Variants in PLXNA2 observed in about 807,000 individuals in gnomAD.
PLXNA2 encodes plexin A2.
Under a neutral mutation model 193.5 loss-of-function variants are expected in PLXNA2, and 91 were observed. The observed-to-expected ratio is 0.47, with a 90% confidence interval of 0.40 to 0.56. The LOEUF is 0.56. Ranked by LOEUF, PLXNA2 falls within the 20% of genes least tolerant of loss-of-function variation. The pLI is 0.00. For missense variants in PLXNA2, 1,995 were observed against 2,503.2 expected (o/e 0.80, Z 4.33); for synonymous variants, 997 against 1,027.3 (o/e 0.97, Z 0.56).
intron 4 of PLXNA2, among the ~76,000 whole-genome samples, chr1:208,106,963 A>C (rs1667289008): frequency 6.6e-6 from 1 of 152,216 alleles, no homozygotes; most frequent in Non-Finnish European, 1.5e-5. Flanking sequence ...ACCTTTGGTG[A>C]GGGCAAGGGA....
intron 9 of PLXNA2, 79 bp from the exon 10 acceptor site, chr1:208,084,659 G>T: frequency 1.4e-6 from 2 of 1,388,180 alleles, no homozygotes; most frequent in Non-Finnish European, 1.0e-6. Flanking sequence ...GGCCCCTCTT[G>T]TATCAGGTGA....
intron 29 of PLXNA2, 38 bp from the exon 30 acceptor site, chr1:208,029,080 G>A (rs771948171): frequency 5.2e-5 from 83 of 1,610,822 alleles, no homozygotes; most frequent in Non-Finnish European, 6.5e-5. Context: ...GAATGCATGC[G>A]GGCCGTGCCC....
At chr1:208,036,406 G>A (rs907423151) in intron 26 of PLXNA2, among the ~76,000 whole-genome samples, 2 of 152,218 alleles carry the variant, frequency 1.3e-5, no homozygotes, top group African/African-American at 4.8e-5. Context: ...AACAGGTGGT[G>A]CAAGTCCATG....
At chr1:208,189,931 A>G (rs1219080518) in intron 3 of PLXNA2, among the ~76,000 whole-genome samples, 1 of 152,198 alleles carries the variant, frequency 6.6e-6, no homozygotes, top group Non-Finnish European at 1.5e-5. Context: ...TTTCAGGAGC[A>G]GGAGAAATAT....
chr1:208,152,885 T>A (rs1668816011), intron 3 of PLXNA2, among the ~76,000 whole-genome samples: 1 of 151,554 alleles, frequency 6.6e-6, no homozygotes, highest in Non-Finnish European at 1.5e-5. Flanking sequence ...ATCCTAACCA[T>A]CCTTCAAGGC....
In PLXNA2 at chr1:208,098,877, C is replaced by T. The variant is rs746197050; in HGVS notation, c.1700G>A (p.Ser567Asn). ...SQCVSLAVHP[S>N]SISVSEHSRL... The stretch of plus-strand genomic sequence containing the variant: ...GCTGTGCTCAGATACTGAGATGCTG[C>T]TGGGATGCACTGCAAGGCTCACACA... Residue 567 changes from serine to asparagine, a missense_variant, in exon 6 of 32, where the codon AGC becomes AAC. This residue lies in a region of PLXNA2 where 702 missense variants were observed against 812.9 expected (regional missense o/e 0.86). Coordinates refer to ENST00000367033, the MANE Select transcript of PLXNA2 (RefSeq NM_025179.4). 1 of 1,613,926 alleles carries T rather than the reference C, an allele frequency of 6.2e-7. No homozygotes were observed.
chr1:208,111,275 C>T (rs903422155), intron 4 of PLXNA2, among the ~76,000 whole-genome samples: 1 of 151,926 alleles, frequency 6.6e-6, no homozygotes, highest in African/African-American at 2.4e-5. Flanking sequence ...CCTATGTTTC[C>T]CAGGCTAGTC....
chr1:208,195,113 A>C (rs1431925266), intron 3 of PLXNA2, among the ~76,000 whole-genome samples: 1 of 152,188 alleles, frequency 6.6e-6, no homozygotes, highest in Non-Finnish European at 1.5e-5. Context: ...GAGTGGGAGA[A>C]GGCAGAGAAA....
At chr1:208,197,410 T>C (rs528864243) in intron 3 of PLXNA2, among the ~76,000 whole-genome samples, 17 of 152,352 alleles carry the variant, frequency 1.1e-4, no homozygotes, top group African/African-American at 3.8e-4. Context: ...GGGGGCTAAT[T>C]GCCGGAAGAG....
chr1:208,202,247 T>G (rs1670575545), intron 3 of PLXNA2, among the ~76,000 whole-genome samples: 1 of 152,164 alleles, frequency 6.6e-6, no homozygotes, highest in African/African-American at 2.4e-5. Flanking sequence ...CCTAAAGTGC[T>G]GGGATTACAG....
intron 29 of PLXNA2, chr1:208,030,343 A>G: frequency 1.0e-6 from 1 of 985,566 alleles, no homozygotes; most frequent in Non-Finnish European, 1.2e-6. Context: ...CAGCACACAG[A>G]AGGCACAGAG....
rs1571835947 is a variant in PLXNA2, at chr1:208,027,314, C to T, written c.5614G>A (p.Glu1872Lys). The T allele has an allele frequency of 6.2e-7, 1 of 1,613,452 alleles. No homozygotes were observed. The highest frequency in any genetic ancestry group is 8.5e-7 in the Non-Finnish European group (1 of 1,180,004). The change falls in exon 32 of 32, where the codon GAG (glutamate) becomes AAG (lysine). Residue 1872 changes from glutamate to lysine, a missense_variant. Physicochemically the swap from Glu to Lys is moderately conservative, Grantham distance 56. This residue lies in a region of PLXNA2 where 1,291 missense variants were observed against 1,673.6 expected (regional missense o/e 0.77). Coordinates refer to ENST00000367033, the MANE Select transcript of PLXNA2 (RefSeq NM_025179.4). ...GCCAGCCGCTGCCGCCGTGCCTGCT[C>T]ATCCTGCTCTAGGGCCCCGATGAGC... is the stretch of plus-strand genomic sequence containing the variant. ...EELIGALEQD[E>K]QARRQRLAYK...
chr1:208,170,297 A>G (rs1267456199), intron 3 of PLXNA2, among the ~76,000 whole-genome samples: 1 of 152,244 alleles, frequency 6.6e-6, no homozygotes, highest in East Asian at 1.9e-4. Flanking sequence ...CCCAAAGTCA[A>G]ATGAAAGAAG....
At chr1:208,205,154 T>C (rs75349840) in intron 3 of PLXNA2, among the ~76,000 whole-genome samples, 3,145 of 152,282 alleles carry the variant, frequency 0.021, 48 homozygotes, top group Non-Finnish European at 0.032. Context: ...ACTTCTTCCC[T>C]CTTTTGCCCC....
At chr1:208,051,189 C>T in intron 16 of PLXNA2, 67 bp downstream of exon 16, 2 of 1,594,728 alleles carry the variant, frequency 1.3e-6, no homozygotes, top group South Asian at 1.1e-5. Context: ...CTCTCATGAG[C>T]CAGACTTGGG....
chr1:208,209,011 G>A (rs1289264196), intron 3 of PLXNA2, among the ~76,000 whole-genome samples: 1 of 152,116 alleles, frequency 6.6e-6, no homozygotes, highest in Non-Finnish European at 1.5e-5. Context: ...TTCCCATTTT[G>A]GAAAAGCAAA....
Position 208,061,641 on chromosome 1 carries a change from A to G in PLXNA2, c.2587-804T>C, listed in dbSNP as rs140375447. Among the ~76,000 whole-genome samples, 906 of 152,330 alleles carry G rather than the reference A, an allele frequency of 5.9e-3. 11 individuals carry two copies. Among genetic ancestry groups the G allele is most frequent in the African/African-American group, 0.02 (816 of 41,576 alleles). ...AATCTTTGCTGGCTTCCTGTTGGCA[A>G]GGATTGCTTATTTATTCATTCCTTA... On this transcript the variant is annotated intron_variant, in intron 12 of 31. Transcript: ENST00000367033.
chr1:208,220,282 C>G (rs1054666904), intron 1 of PLXNA2, among the ~76,000 whole-genome samples: 1 of 152,112 alleles, frequency 6.6e-6, no homozygotes, highest in Non-Finnish European at 1.5e-5. Flanking sequence ...GGATTTGAGG[C>G]AAGTCAAGTC....
chr1:208,134,709 C>T (rs1400750520), intron 4 of PLXNA2, among the ~76,000 whole-genome samples: 1 of 152,062 alleles, frequency 6.6e-6, no homozygotes, highest in Non-Finnish European at 1.5e-5. Flanking sequence ...GAGTCCTTGC[C>T]CGCCTTGTAA....
Sources: gnomAD v4.1 joint callset for allele counts (sites outside exome capture counted in the v4.1 genomes callset) on GRCh38, gnomAD v4.1.1 for gene constraint, gnomAD v4.1.1 regional missense constraint, MANE v1.5 for transcripts, NCBI Gene and HGNC (gene_info 2026-07-23, HGNC 2026-07-21) for gene names.